The following LINGO1 variants were observed in gnomAD, a reference collection of about 807,000 sequenced individuals.
LINGO1 encodes leucine-rich repeat and immunoglobulin-like domain-containing nogo receptor-interacting protein 1.
In LINGO1, 11 loss-of-function variants were observed where a neutral mutation model predicts 37.3. That is an observed-to-expected ratio of 0.29 (90% CI 0.19 to 0.49). The LOEUF (loss-of-function observed/expected upper bound fraction) is 0.49, where lower values mean the gene tolerates loss of function less well. Among genes scored for constraint, LINGO1 ranks in the 20% least tolerant of loss-of-function variants. The probability of loss-of-function intolerance (pLI) is 0.99; values close to 1 mark genes in which losing one functional copy is unlikely to be tolerated. For synonymous variants in LINGO1, 387 were observed against 403.0 expected, an observed-to-expected ratio of 0.96 and a Z score of 0.48; for missense variants, 585 against 878.2, an observed-to-expected ratio of 0.67 and a Z score of 4.22.
At chr15:77,775,018 G>A (rs1203377114) in intron 1 of LINGO1, among the ~76,000 whole-genome samples, 1 of 152,184 alleles carries the variant, frequency 6.6e-6, no homozygotes, top group Non-Finnish European at 1.5e-5. Flanking sequence ...ACGTCGCCTG[G>A]GGCTGGGCCT....
intron 2 of LINGO1, among the ~76,000 whole-genome samples, chr15:77,721,578 C>A (rs2141314018): frequency 6.6e-6 from 1 of 152,280 alleles, no homozygotes; most frequent in South Asian, 2.1e-4. Flanking sequence ...CCATGAAGAA[C>A]CCGGTTTGAT....
At chr15:77,712,900 T>C (rs1233396260) in intron 2 of LINGO1, among the ~76,000 whole-genome samples, 3 of 152,248 alleles carry the variant, frequency 2.0e-5, no homozygotes, top group East Asian at 1.9e-4. Context: ...CCTCCCATCA[T>C]TACATTATCT....
intron 1 of LINGO1, among the ~76,000 whole-genome samples, chr15:77,748,862 A>G (rs1387206699): frequency 8.8e-6 from 1 of 113,420 alleles, no homozygotes; most frequent in Non-Finnish European, 1.8e-5. Flanking sequence ...AGCCTTATTT[A>G]TTTATTTATT....
intron 2 of LINGO1, among the ~76,000 whole-genome samples, chr15:77,682,640 T>G (rs74025370): frequency 0.017 from 2,588 of 152,184 alleles, 79 homozygotes; most frequent in African/African-American, 0.06. Flanking sequence ...AGCCGATTCC[T>G]GAATATTTCT....
intron 2 of LINGO1, among the ~76,000 whole-genome samples, chr15:77,707,839 G>T (rs1389836738): frequency 6.6e-6 from 1 of 152,192 alleles, no homozygotes; most frequent in Admixed American, 6.5e-5. Flanking sequence ...CCAATCCAAG[G>T]TGGTTCTATT....
chr15:77,740,194 C>A (rs2076249105), intron 1 of LINGO1, among the ~76,000 whole-genome samples: 1 of 152,192 alleles, frequency 6.6e-6, no homozygotes, highest in South Asian at 2.1e-4. Flanking sequence ...AGGAAGTGTC[C>A]TTGGAGCAGA....
intron 1 of LINGO1, among the ~76,000 whole-genome samples, chr15:77,779,932 G>A (rs2076698900): frequency 1.3e-5 from 2 of 152,182 alleles, no homozygotes; most frequent in African/African-American, 2.4e-5. Context: ...ACCCAGTGGT[G>A]AGCCAGACAC....
rs552028564 is a variant in LINGO1 at position 77,716,538 on chromosome 15, T to TAC, written c.-195+18452_-195+18453dup. On this transcript the variant is annotated intron_variant, in intron 2 of 3. Transcript: ENST00000561686. ...CCGGAGTCCAAGACACGTGCAGGAA[T>TAC]ACACACACACACGCACTCATACACA... 1.4e-3 allele frequency among the ~76,000 whole-genome samples: 207 copies of TAC among 149,570 alleles called. 5 individuals are homozygous for TAC. Among genetic ancestry groups the TAC allele is most frequent in the African/African-American group, 4.9e-3 (202 of 41,298 alleles).
chr15:77,684,608 G>C (rs879424146), intron 2 of LINGO1, among the ~76,000 whole-genome samples: 1 of 152,222 alleles, frequency 6.6e-6, no homozygotes, highest in Non-Finnish European at 1.5e-5. Context: ...GCCAGCCCCC[G>C]TCCCAAGCCA....
At chr15:77,680,422 A>G (rs1198234899) in intron 2 of LINGO1, among the ~76,000 whole-genome samples, 2 of 152,248 alleles carry the variant, frequency 1.3e-5, no homozygotes, top group African/African-American at 4.8e-5. Context: ...ATATGTTGTT[A>G]GAACACGTTT....
upstream of LINGO1, among the ~76,000 whole-genome samples, chr15:77,635,190 C>G (rs1016693102): frequency 2.0e-5 from 3 of 152,206 alleles, no homozygotes; most frequent in Non-Finnish European, 2.9e-5. Flanking sequence ...CCCTTGGCCT[C>G]GGTTCTCCAC....
chr15:77,647,903 T>C (rs767811970), intron 3 of LINGO1: 15 of 456,570 alleles, frequency 3.3e-5, no homozygotes, highest in South Asian at 2.2e-4. Context: ...TCTGGCTACG[T>C]TGCACATTCC....
chr15:77,726,376 C>A (rs768540806), intron 2 of LINGO1, among the ~76,000 whole-genome samples: 6 of 152,228 alleles, frequency 3.9e-5, no homozygotes, highest in Non-Finnish European at 7.3e-5. Flanking sequence ...TGCAGCAAGA[C>A]CCAAAGACCC....
intron 1 of LINGO1, among the ~76,000 whole-genome samples, chr15:77,746,313 G>A (rs565354071): frequency 3.9e-5 from 6 of 151,924 alleles, no homozygotes; most frequent in South Asian, 2.1e-4. Context: ...TAAACAACAT[G>A]AGTATAAGCA....
At chr15:77,767,369 C>T (rs2076540892) in intron 1 of LINGO1, among the ~76,000 whole-genome samples, 1 of 152,138 alleles carries the variant, frequency 6.6e-6, no homozygotes, top group African/African-American at 2.4e-5. Context: ...TGTCAGGATT[C>T]AGGAAAGAAT....
At position 77,729,912 on chromosome 15, in the gene LINGO1, T is replaced by C. The variant is rs142494643; in HGVS notation, c.-195+5080A>G. Among the ~76,000 whole-genome samples, 16 of 152,354 alleles carry C rather than the reference T, an allele frequency of 1.1e-4. No individual in the cohort carries two copies. The East Asian group carries it at 3.1e-3, about 29-fold the overall frequency. On this transcript the variant is annotated intron_variant, in intron 2 of 3. Transcript: ENST00000561686. ...CCCTGCCTTGAATTGTCTACCTTGG[T>C]ATCACAATTATGCTTAGCTCTCACA...
Position 77,632,454 on chromosome 15 carries a change from C to T in LINGO1, c.-139G>A. The T allele has an allele frequency of 2.2e-6, 2 of 924,752 alleles. No individual in the cohort carries two copies. The highest frequency in any genetic ancestry group is 2.8e-6 in the Non-Finnish European group (2 of 709,386). 57.3% of individuals were successfully genotyped at this position (924,752 alleles called of 1,614,324 possible). On this transcript the variant is annotated 5_prime_UTR_variant, in exon 1 of 2. Transcript: ENST00000355300. This position sits in a 1 kb window ranked among gnomAD's most constrained non-coding sequence, Gnocchi z 6.0. ...CACCTCCGCCCGGCAGTCCGCGCGC[C>T]CTCGCGGGGCTGGCTGTCCGTCTGT...
chr15:77,689,589 C>T (rs1206778478), intron 2 of LINGO1, among the ~76,000 whole-genome samples: 1 of 152,160 alleles, frequency 6.6e-6, no homozygotes, highest in Non-Finnish European at 1.5e-5. Context: ...CCCAAAAGCC[C>T]GACCTCCATG....
intron 2 of LINGO1, among the ~76,000 whole-genome samples, chr15:77,721,174 C>T (rs2076045938): frequency 1.3e-5 from 2 of 152,258 alleles, no homozygotes; most frequent in Admixed American, 6.5e-5. Flanking sequence ...GTCTAACCCT[C>T]CCGCCCCAGT....
Sources: allele counts gnomAD v4.1 joint callset (sites outside exome capture counted in the v4.1 genomes callset), GRCh38; gene constraint gnomAD v4.1.1; non-coding constraint Gnocchi (gnomAD v3.1); transcripts MANE v1.5; gene names NCBI Gene and HGNC (gene_info 2026-07-23, HGNC 2026-07-21).